The following ART3 variants were observed in gnomAD, a reference collection of about 807,000 sequenced individuals.
ART3 encodes the protein ADP-ribosyltransferase 3 (inactive), also known as ecto-ADP-ribosyltransferase 3.
In ART3, 49 loss-of-function variants were observed where a neutral mutation model predicts 48.5. The ratio of observed to expected loss-of-function variants is 1.01; its 90% CI spans 0.80 to 1.28. The LOEUF is 1.28. ART3 is among the 50% of genes most tolerant of loss of function. The pLI, the probability that ART3 is intolerant of heterozygous loss-of-function variation, is 0.00. For synonymous variants in ART3, 145 were observed against 157.2 expected, an observed-to-expected ratio of 0.92 and a Z score of 0.58; for missense variants, 438 against 454.3, an observed-to-expected ratio of 0.96 and a Z score of 0.33.
At chr4:76,087,252 C>T (rs1249625074) in intron 3 of ART3, among the ~76,000 whole-genome samples, 4 of 152,072 alleles carry the variant, frequency 2.6e-5, no homozygotes, top group South Asian at 2.1e-4. Context: ...TTCAGACCCG[C>T]GTGGAGAAGT....
intron 1 of ART3, among the ~76,000 whole-genome samples, chr4:76,066,014 T>C (rs10856875): frequency 0.59 from 89,197 of 151,916 alleles, 27,036 homozygotes; most frequent in East Asian, 0.94. Flanking sequence ...CTAACAGGAA[T>C]TGGGAGTGGA....
rs560723585 is a variant in ART3 at position 76,049,763 on chromosome 4, A to G, written c.-9-26118A>G. 1.1e-3 allele frequency among the ~76,000 whole-genome samples: 166 copies of G among 152,172 alleles called. 4 individuals are homozygous for G. The highest frequency in any genetic ancestry group is 6.9e-4 in the Non-Finnish European group (47 of 67,952). On this transcript the variant is annotated intron_variant, in intron 1 of 9. Transcript: ENST00000341029. ...GGCGATGGTCTTACCGCTCGGCGAT[A>G]GGCGAAAGTCCCTTCGTGGTTGCCA...
upstream of ART3, among the ~76,000 whole-genome samples, chr4:76,073,265 C>T (rs1720508392): frequency 6.6e-6 from 1 of 152,224 alleles, no homozygotes; most frequent in Non-Finnish European, 1.5e-5. Context: ...AGGCCAGCGA[C>T]AGGAGAACTT....
At chr4:76,081,774 A>G in intron 2 of ART3, 50 bp from the exon 3 acceptor site, 1 of 1,533,448 alleles carries the variant, frequency 6.5e-7, no homozygotes, top group Non-Finnish European at 8.9e-7. Flanking sequence ...AGAAAATGAT[A>G]TTCACTGAAT....
upstream of ART3, among the ~76,000 whole-genome samples, chr4:76,070,303 C>T (rs1458470872): frequency 6.6e-6 from 1 of 152,180 alleles, no homozygotes; most frequent in African/African-American, 2.4e-5. Context: ...CTTGCATTCC[C>T]ATCAGTAATG....
At chr4:76,018,902 G>A (rs568668877) in intron 1 of ART3, among the ~76,000 whole-genome samples, 7 of 152,096 alleles carry the variant, frequency 4.6e-5, no homozygotes, top group South Asian at 4.2e-4. Context: ...TTTAGCTGGC[G>A]TGGTGGCACA....
intron 1 of ART3, among the ~76,000 whole-genome samples, chr4:76,033,472 A>G (rs1734059542): frequency 6.6e-6 from 1 of 152,122 alleles, no homozygotes; most frequent in Non-Finnish European, 1.5e-5. Context: ...GCCTCCCACC[A>G]ACACTCACAT....
At chr4:76,032,737 A>G (rs1166811909) in intron 1 of ART3, among the ~76,000 whole-genome samples, 7 of 151,996 alleles carry the variant, frequency 4.6e-5, no homozygotes, top group Non-Finnish European at 8.8e-5. Context: ...GGCACGTGCC[A>G]GCAGCCTCGG....
At chr4:76,042,486 A>G (rs1735058628) in intron 1 of ART3, among the ~76,000 whole-genome samples, 1 of 152,206 alleles carries the variant, frequency 6.6e-6, no homozygotes, top group Non-Finnish European at 1.5e-5. Context: ...CTGAAATAAT[A>G]TAGATAGACT....
chr4:76,062,803 G>A (rs199642328), intron 1 of ART3, among the ~76,000 whole-genome samples: 2 of 151,754 alleles, frequency 1.3e-5, no homozygotes, highest in Admixed American at 6.6e-5. Context: ...CTCGTGATCC[G>A]CCCACCTCAG....
intron 8 of ART3, among the ~76,000 whole-genome samples, chr4:76,101,443 C>T (rs1272043564): frequency 6.6e-6 from 1 of 152,192 alleles, no homozygotes; most frequent in African/African-American, 2.4e-5. Context: ...TGTAACTTAT[C>T]CTCAAGTATT....
chr4:76,051,416 C>T (rs925178049), intron 1 of ART3, among the ~76,000 whole-genome samples: 2 of 152,078 alleles, frequency 1.3e-5, no homozygotes, highest in Non-Finnish European at 2.9e-5. Flanking sequence ...AGCCATTAGG[C>T]ACTGGGTAAG....
chr4:76,072,333 A>G (rs1720403305), upstream of ART3, among the ~76,000 whole-genome samples: 1 of 152,194 alleles, frequency 6.6e-6, no homozygotes, highest in Non-Finnish European at 1.5e-5. Context: ...ACTGTGTCTA[A>G]TCTACAAAAG....
chr4:76,077,666 A>G (rs1315999224), intron 2 of ART3, among the ~76,000 whole-genome samples: 1 of 152,228 alleles, frequency 6.6e-6, no homozygotes, highest in Non-Finnish European at 1.5e-5. Flanking sequence ...TATGATTCAT[A>G]GCAAAATTAC....
At chr4:76,019,115 A>G (rs576324527) in intron 1 of ART3, among the ~76,000 whole-genome samples, 1 of 152,124 alleles carries the variant, frequency 6.6e-6, no homozygotes, top group Non-Finnish European at 1.5e-5. Context: ...ATTTGAACAT[A>G]ATAAGATTCT....
chr4:76,038,870 G>A (rs554271699), intron 1 of ART3, among the ~76,000 whole-genome samples: 51 of 151,994 alleles, frequency 3.4e-4, no homozygotes, highest in Non-Finnish European at 5.7e-4. Flanking sequence ...TTACAGGTGC[G>A]TGCCTCCATG....
At chr4:76,082,671 C>A in intron 3 of ART3, 136 bp downstream of exon 3, 2 of 639,470 alleles carry the variant, frequency 3.1e-6, no homozygotes, top group Non-Finnish European at 5.0e-6. Context: ...TTCATACTAT[C>A]TCTTTACCCA....
intron 1 of ART3, chr4:76,036,976 C>A: frequency 5.5e-6 from 1 of 180,446 alleles, no homozygotes; most frequent in Admixed American, 6.2e-5. Flanking sequence ...GGTCAGGCGC[C>A]CACAGTGGCT....
chr4:76,019,187 T>G (rs1006704450), intron 1 of ART3, among the ~76,000 whole-genome samples: 1 of 151,994 alleles, frequency 6.6e-6, no homozygotes, highest in Non-Finnish European at 1.5e-5. Flanking sequence ...ACTAAGTGTG[T>G]TTTTGTAATA....
Sources: allele counts gnomAD v4.1 joint callset (sites outside exome capture counted in the v4.1 genomes callset), GRCh38; gene constraint gnomAD v4.1.1; transcripts MANE v1.5; gene names NCBI Gene and HGNC (gene_info 2026-07-23, HGNC 2026-07-21).